The following FAM13C variants were observed in gnomAD, a reference collection of about 807,000 sequenced individuals.
The protein encoded by FAM13C is protein FAM13C.
FAM13C carries 37 observed loss-of-function variants against 73.2 expected under a neutral mutation model. That is an observed-to-expected ratio of 0.51 (90% CI 0.39 to 0.67). FAM13C has a LOEUF of 0.67. Among genes scored for constraint, FAM13C ranks in the 30% least tolerant of loss-of-function variants. The pLI is 0.00. For synonymous variants in FAM13C, 246 were observed against 260.9 expected, an observed-to-expected ratio of 0.94 and a Z score of 0.55; for missense variants, 589 against 715.6, an observed-to-expected ratio of 0.82 and a Z score of 2.02.
chr10:59,315,029 A>G (rs1399183253), intron 4 of FAM13C, among the ~76,000 whole-genome samples: 1 of 152,140 alleles, frequency 6.6e-6, no homozygotes, highest in Admixed American at 6.6e-5. Context: ...TTCTCTCCTA[A>G]TATTCTGCTA....
At chr10:59,362,673 G>A, upstream of FAM13C, 2 of 1,170,626 alleles carry the variant, frequency 1.7e-6, no homozygotes, top group South Asian at 1.7e-5. Context: ...AGGCTGCGGG[G>A]ACAGAGCTGG....
chr10:59,337,761 C>T (rs1033866493), intron 3 of FAM13C, among the ~76,000 whole-genome samples: 1 of 148,034 alleles, frequency 6.8e-6, no homozygotes, highest in African/African-American at 2.5e-5. Flanking sequence ...CTCATTGCAA[C>T]CTCCACCTCC....
At chr10:59,304,258 C>T (rs955909268) in intron 4 of FAM13C, among the ~76,000 whole-genome samples, 4 of 152,006 alleles carry the variant, frequency 2.6e-5, no homozygotes, top group Admixed American at 1.3e-4. Context: ...GGATATCAGA[C>T]CTTTGAGGGA....
chr10:59,261,715 C>T (rs1299022156), intron 10 of FAM13C, among the ~76,000 whole-genome samples: 1 of 152,040 alleles, frequency 6.6e-6, no homozygotes, highest in Non-Finnish European at 1.5e-5. Context: ...TCAATCACGC[C>T]AGTCTTAGGG....
intron 5 of FAM13C, among the ~76,000 whole-genome samples, chr10:59,289,854 T>C (rs1482371192): frequency 9.2e-5 from 14 of 152,086 alleles, no homozygotes; most frequent in Admixed American, 8.5e-4. Flanking sequence ...CCCTCTCTGA[T>C]AGGACTTCCA....
chr10:59,279,171 G>A (rs980184676), intron 6 of FAM13C, among the ~76,000 whole-genome samples: 3 of 152,302 alleles, frequency 2.0e-5, no homozygotes, highest in Non-Finnish European at 4.4e-5. Context: ...TTCAAATGTA[G>A]GGATTCTTAG....
chr10:59,269,388 G>A (rs897768334), intron 7 of FAM13C, among the ~76,000 whole-genome samples: 1 of 150,416 alleles, frequency 6.6e-6, no homozygotes, highest in African/African-American at 2.5e-5. Context: ...CAAATTCCAA[G>A]TGGAATGTGT....
intron 6 of FAM13C, among the ~76,000 whole-genome samples, chr10:59,281,831 T>C (rs748173936): frequency 6.6e-6 from 1 of 152,236 alleles, no homozygotes; most frequent in Non-Finnish European, 1.5e-5. Flanking sequence ...AATATTTTAC[T>C]GAACACTTTG....
intron 1 of FAM13C, among the ~76,000 whole-genome samples, chr10:59,358,148 G>A (rs138825541): frequency 1.3e-5 from 2 of 152,326 alleles, no homozygotes; most frequent in African/African-American, 4.8e-5. Context: ...AACTCTGGGA[G>A]GCCAAGGTGG....
chr10:59,323,944 A>G, intron 4 of FAM13C, 44 bp downstream of exon 4: 1 of 1,536,200 alleles, frequency 6.5e-7, no homozygotes, highest in Non-Finnish European at 9.0e-7. Context: ...TTTCTGAGAA[A>G]GGAACCACAA....
intron 5 of FAM13C, among the ~76,000 whole-genome samples, chr10:59,286,782 C>T (rs1359239382): frequency 6.6e-6 from 1 of 151,380 alleles, no homozygotes; most frequent in African/African-American, 2.4e-5. Context: ...ACCTGTAATC[C>T]CAGCACTTTG....
chr10:59,310,378 T>C (rs1269639412), intron 4 of FAM13C, among the ~76,000 whole-genome samples: 2 of 152,212 alleles, frequency 1.3e-5, no homozygotes, highest in South Asian at 2.1e-4. Context: ...TAGCTCTATA[T>C]GCAGACACAG....
intron 6 of FAM13C, among the ~76,000 whole-genome samples, chr10:59,276,841 G>T (rs1451478201): frequency 6.6e-6 from 1 of 152,124 alleles, no homozygotes; most frequent in East Asian, 1.9e-4. Flanking sequence ...TGATGATTGG[G>T]CCATGTTTTG....
intron 4 of FAM13C, among the ~76,000 whole-genome samples, chr10:59,313,734 C>A (rs1000029602): frequency 3.9e-5 from 6 of 151,960 alleles, no homozygotes; most frequent in Admixed American, 1.3e-4. Flanking sequence ...GGGCTCTGTG[C>A]AGGATGGATA....
intron 10 of FAM13C, 133 bp from the exon 11 acceptor site, chr10:59,254,576 CATTTATTTATTT>C (rs3078249): frequency 0.11 from 23,600 of 220,590 alleles, 1,847 homozygotes; most frequent in South Asian, 0.15. Flanking sequence ...AAAGGAAAGT[CATTTATTTATTT>C]ATTTATTTAT....
At chr10:59,274,021 G>T (rs1029695116) in intron 6 of FAM13C, among the ~76,000 whole-genome samples, 1 of 152,080 alleles carries the variant, frequency 6.6e-6, no homozygotes, top group African/African-American at 2.4e-5. Flanking sequence ...ATAGCATTCA[G>T]GGACATTCCA....
At chr10:59,283,784 A>G (rs1845217247) in intron 5 of FAM13C, 1 of 511,208 alleles carries the variant, frequency 2.0e-6, no homozygotes, top group African/African-American at 1.9e-5. Context: ...CATCTGGAGA[A>G]CCAATCTGAG....
At chr10:59,298,910 A>G (rs1847234562) in intron 5 of FAM13C, among the ~76,000 whole-genome samples, 1 of 152,208 alleles carries the variant, frequency 6.6e-6, no homozygotes, top group South Asian at 2.1e-4. Context: ...GGAATCTAAA[A>G]AAGCCAAACT....
intron 3 of FAM13C, among the ~76,000 whole-genome samples, chr10:59,344,087 G>A (rs1483074306): frequency 2.8e-5 from 4 of 143,170 alleles, no homozygotes; most frequent in South Asian, 2.3e-4. Flanking sequence ...TCAGCTTCCC[G>A]AGTAGCTGGG....
Sources: allele counts gnomAD v4.1 joint callset (sites outside exome capture counted in the v4.1 genomes callset), GRCh38; gene constraint gnomAD v4.1.1; transcripts MANE v1.5; gene names NCBI Gene and HGNC (gene_info 2026-07-23, HGNC 2026-07-21).